The following TMEM254 variants were observed in gnomAD, a reference collection of about 807,000 sequenced individuals.
The protein encoded by TMEM254 is transmembrane protein C10orf57.
TMEM254 carries 16 observed loss-of-function variants against 13.9 expected under a neutral mutation model. The observed-to-expected ratio is 1.15, with a 90% CI of 0.78 to 1.75. The LOEUF (loss-of-function observed/expected upper bound fraction) is 1.75. Ranked by LOEUF, TMEM254 falls within the 40% of genes most tolerant of loss-of-function variation. TMEM254 has a pLI of 0.00. For missense variants in TMEM254, 155 were observed against 149.0 expected, an observed-to-expected ratio of 1.04 and a Z score of -0.21; for synonymous variants, 61 against 56.4, an observed-to-expected ratio of 1.08 and a Z score of -0.36.
intron 1 of TMEM254, chr10:80,079,198 T>TGGGGGGGGGGG (rs772680590): frequency 6.2e-6 from 2 of 321,864 alleles, no homozygotes; most frequent in Non-Finnish European, 1.1e-5. Context: ...AGGCGTGGGG[T>TGGGGGGGGGGG]GGGGCGGGGC....
intron 1 of TMEM254, among the ~76,000 whole-genome samples, chr10:80,081,405 G>T (rs1844014811): frequency 6.6e-6 from 1 of 151,954 alleles, no homozygotes; most frequent in Non-Finnish European, 1.5e-5. Context: ...AGTAGGTCAT[G>T]CCTGTAATCC....
intron 3 of TMEM254, among the ~76,000 whole-genome samples, chr10:80,086,877 T>G (rs1003425329): frequency 2.6e-5 from 4 of 152,184 alleles, no homozygotes; most frequent in Non-Finnish European, 4.4e-5. Flanking sequence ...CTGGGCATGG[T>G]GGCTGATGCC....
chr10:80,084,813 T>C (rs929101783), intron 3 of TMEM254, among the ~76,000 whole-genome samples: 11 of 152,076 alleles, frequency 7.2e-5, no homozygotes, highest in Non-Finnish European at 1.3e-4. Context: ...CAAAAATTTT[T>C]ATTTTTATTT....
In TMEM254 at chr10:80,079,150, C is replaced by T. The variant is rs1350741706; in HGVS notation, c.87+364C>T. On this transcript the variant is annotated intron_variant, in intron 1 of 3. Coordinates refer to ENST00000372281, the MANE Select transcript of TMEM254 (RefSeq NM_025125.4). ...TTCCGTCCAGCAAGACCCTTGCCCT[C>T]TCTGGTCACAGTCCTGGGGCTGGGC... 3.8e-6 allele frequency: 5 copies of T among 1,312,814 alleles called. No individual in the cohort carries two copies. The Admixed American group carries it at 6.9e-5, about 18-fold the overall frequency. The allele number at this position is 1,312,814 out of a possible 1,614,324, so 81.3% of individuals were successfully genotyped here. A position where few individuals can be genotyped will look rare whatever the true frequency, so the allele number is the denominator to read the frequency against.
intron 3 of TMEM254, among the ~76,000 whole-genome samples, chr10:80,087,459 A>G (rs537441587): frequency 6.0e-5 from 9 of 150,744 alleles, no homozygotes; most frequent in Admixed American, 2.0e-4. Flanking sequence ...CCTGGCCAAC[A>G]TGGTGAAACC....
At position 80,091,368 on chromosome 10, in the gene TMEM254, T is replaced by C; in HGVS notation, c.*451T>C. On this transcript the variant is annotated 3_prime_UTR_variant, in exon 4 of 4. Coordinates refer to ENST00000372281, the MANE Select transcript of TMEM254 (RefSeq NM_025125.4). ...CACTAAGATAAAGTGACACTTCCACTATATGTCAATTCCACACACATTTAT... is the reference window on the plus strand; with the variant it reads ...CACTAAGATAAAGTGACACTTCCACCATATGTCAATTCCACACACATTTAT... 1 of 153,374 alleles carries C rather than the reference T, an allele frequency of 6.5e-6. No homozygotes were observed. The highest frequency in any genetic ancestry group is 1.5e-5 in the Non-Finnish European group (1 of 68,808). 9.5% of individuals were successfully genotyped at this position (153,374 alleles called of 1,614,324 possible).
At chr10:80,083,066 C>A (rs1427600175) in intron 3 of TMEM254, among the ~76,000 whole-genome samples, 1 of 142,774 alleles carries the variant, frequency 7.0e-6, no homozygotes, top group Non-Finnish European at 1.5e-5. Context: ...ATAGAATGAT[C>A]TTACTCTGTT....
At chr10:80,080,391 G>C (rs1365558802) in intron 1 of TMEM254, among the ~76,000 whole-genome samples, 2 of 152,206 alleles carry the variant, frequency 1.3e-5, no homozygotes, top group African/African-American at 4.8e-5. Context: ...GAGGCTGAAA[G>C]TTAAGATTAC....
chr10:80,084,278 C>T (rs1350091662), intron 3 of TMEM254, among the ~76,000 whole-genome samples: 1 of 152,100 alleles, frequency 6.6e-6, no homozygotes, highest in African/African-American at 2.4e-5. Flanking sequence ...ACACCCCCTC[C>T]AGCATGCCAC....
chr10:80,090,684 C>A, intron 3 of TMEM254, 113 bp from the exon 4 acceptor site: 2 of 964,176 alleles, frequency 2.1e-6, no homozygotes, highest in Non-Finnish European at 3.0e-6. Context: ...CAAAATAAAC[C>A]CAATGAAAGT....
intron 1 of TMEM254, 59 bp from the exon 2 acceptor site, chr10:80,081,782 A>G: frequency 6.2e-7 from 1 of 1,609,246 alleles, no homozygotes; most frequent in Non-Finnish European, 8.5e-7. Context: ...CAAAAACAAA[A>G]ACAAAAAACA....
intron 3 of TMEM254, among the ~76,000 whole-genome samples, chr10:80,087,349 A>ATG (rs1360078026): frequency 6.6e-6 from 1 of 152,132 alleles, no homozygotes; most frequent in African/African-American, 2.4e-5. Flanking sequence ...AGATTAAAGA[A>ATG]TGAATACTTT....
intron 3 of TMEM254, among the ~76,000 whole-genome samples, chr10:80,085,743 CA>C (rs1203479341): frequency 2.0e-5 from 3 of 152,024 alleles, no homozygotes; most frequent in African/African-American, 7.3e-5. Flanking sequence ...TGTTACATAA[CA>C]ATACTTTAAC....
intron 3 of TMEM254, 148 bp downstream of exon 3, chr10:80,082,352 C>A: frequency 2.4e-6 from 2 of 820,238 alleles, no homozygotes; most frequent in Non-Finnish European, 2.0e-6. Context: ...GAGCCTGGAG[C>A]AGAGGCAGTA....
chr10:80,084,477 G>T (rs564235147), intron 3 of TMEM254, among the ~76,000 whole-genome samples: 8 of 152,308 alleles, frequency 5.3e-5, no homozygotes, highest in African/African-American at 1.9e-4. Context: ...ATCTACAAGT[G>T]CATGCAGTTA....
At chr10:80,083,105 C>CTTTTTTTTT (rs57014602) in intron 3 of TMEM254, among the ~76,000 whole-genome samples, 2 of 106,372 alleles carry the variant, frequency 1.9e-5, no homozygotes, top group African/African-American at 7.3e-5. Context: ...ATAAGCTAGA[C>CTTTTTTTTT]TTTTTTTTTT....
chr10:80,088,537 C>G (rs1013249247), intron 3 of TMEM254, among the ~76,000 whole-genome samples: 6 of 150,230 alleles, frequency 4.0e-5, no homozygotes, highest in African/African-American at 9.8e-5. Flanking sequence ...TTTAGATCTC[C>G]TTTAATATAT....
At chr10:80,082,022 T>G in intron 2 of TMEM254, 78 bp downstream of exon 2, 1 of 1,564,416 alleles carries the variant, frequency 6.4e-7, no homozygotes, top group Non-Finnish European at 8.8e-7. Flanking sequence ...TGCAGCTGCC[T>G]TTTGGTATCT....
intron 1 of TMEM254, chr10:80,079,685 G>C: frequency 1.0e-6 from 1 of 985,714 alleles, no homozygotes; most frequent in Non-Finnish European, 1.2e-6. Context: ...AGAAAGATGC[G>C]TGGAAAAGTA....
Sources: allele counts gnomAD v4.1 joint callset (sites outside exome capture counted in the v4.1 genomes callset), GRCh38; gene constraint gnomAD v4.1.1; transcripts MANE v1.5; gene names NCBI Gene and HGNC (gene_info 2026-07-23, HGNC 2026-07-21).